The following LRRC9 variants were observed in gnomAD, a reference collection of about 807,000 sequenced individuals.
LRRC9 encodes leucine-rich repeat-containing protein 9.
In LRRC9, 122 loss-of-function variants were observed where a neutral mutation model predicts 63.2. That is an observed-to-expected ratio of 1.93 (90% CI 1.67 to 2.24). The LOEUF (loss-of-function observed/expected upper bound fraction) is 2.24. Ranked by LOEUF, LRRC9 falls within the 30% of genes most tolerant of loss-of-function variation. The pLI, the probability that LRRC9 is intolerant of heterozygous loss-of-function variation, is 0.00. For synonymous variants in LRRC9, 366 were observed against 213.1 expected, an observed-to-expected ratio of 1.72 and a Z score of -6.25; for missense variants, 1,071 against 627.7, an observed-to-expected ratio of 1.71 and a Z score of -7.55.
At chr14:60,020,084 C>T (rs1891003139) in intron 26 of LRRC9, among the ~76,000 whole-genome samples, 2 of 151,820 alleles carry the variant, frequency 1.3e-5, no homozygotes. Context: ...AAAGTATTCC[C>T]ATTCCAGAAA....
intron 29 of LRRC9, among the ~76,000 whole-genome samples, chr14:60,037,397 T>A (rs1330412356): frequency 1.3e-5 from 2 of 152,180 alleles, no homozygotes; most frequent in Non-Finnish European, 2.9e-5. Context: ...GTAAAAGCGT[T>A]CCTATTTCTC....
Position 60,051,243 on chromosome 14 carries a change from G to A in LRRC9, c.3991-1822G>A, listed in dbSNP as rs559617517. On this transcript the variant is annotated intron_variant, in intron 29 of 31. Transcript: ENST00000445360. This position sits in a 1 kb window ranked among gnomAD's most constrained non-coding sequence, Gnocchi z 4.7. ...CCCCACAGGAGTTCCATCCCAGGGA[G>A]AGATCAGGGTTCAGTGCATATAAGA... Among the ~76,000 whole-genome samples, 378 of 152,346 alleles carry A rather than the reference G, an allele frequency of 2.5e-3. 3 individuals are homozygous for A. Among genetic ancestry groups the A allele is most frequent in the African/African-American group, 8.8e-3 (364 of 41,574 alleles).
intron 8 of LRRC9, among the ~76,000 whole-genome samples, chr14:59,953,849 G>A (rs934493010): frequency 6.6e-6 from 1 of 152,184 alleles, no homozygotes; most frequent in Admixed American, 6.5e-5. Context: ...AAGGCTTAAG[G>A]AAGGGGTCCA....
chr14:60,032,083 A>G lies in LRRC9; in HGVS notation c.3990+20A>G. 1 of 678,024 alleles carries G rather than the reference A, an allele frequency of 1.5e-6. No individual in the cohort carries two copies. Among genetic ancestry groups the G allele is most frequent in the South Asian group, 1.6e-5 (1 of 61,314 alleles). The allele number at this position is 678,024 out of a possible 1,614,324, so 42.0% of individuals were successfully genotyped here. ...AATCCAGTGAGTATGTTACCATTCT[A>G]ATTTATTAGTTAATTTACTGGTAGT... On this transcript the variant is annotated intron_variant, in intron 29 of 31. Transcript: ENST00000445360.
In LRRC9 at chr14:60,004,740, A is replaced by C. The variant is rs938689602; in HGVS notation, c.2842+942A>C. 2.6e-5 allele frequency among the ~76,000 whole-genome samples: 4 copies of C among 152,092 alleles called. No homozygotes were observed. The highest frequency in any genetic ancestry group is 5.9e-5 in the Non-Finnish European group (4 of 67,958). On this transcript the variant is annotated intron_variant, in intron 21 of 31. Transcript: ENST00000445360. The surrounding 1 kb of genome is among the most constrained non-coding windows in gnomAD (Gnocchi z 4.8). ...ACCTTCATTAGAAAGAAATTGAAAGAAGCTTTCCATGACTTGCTACCAACT... is the reference window on the plus strand; with the variant it reads ...ACCTTCATTAGAAAGAAATTGAAAGCAGCTTTCCATGACTTGCTACCAACT...
Position 59,927,865 on chromosome 14 carries a change from G to A in LRRC9, c.-33-46G>A. The A allele has an allele frequency of 1.7e-6, 1 of 598,706 alleles. No homozygotes were observed. The highest frequency in any genetic ancestry group is 1.9e-5 in the African/African-American group (1 of 52,802). 37.1% of individuals were successfully genotyped at this position (598,706 alleles called of 1,614,324 possible). On this transcript the variant is annotated intron_variant, in intron 1 of 31. Transcript: ENST00000445360. The surrounding 1 kb of genome is among the most constrained non-coding windows in gnomAD (Gnocchi z 4.4). ...TTTAAGGTCTATTTCAACTTGGAATGACAATGACTTTAATATTTATTTCAT... is the reference window on the plus strand; with the variant it reads ...TTTAAGGTCTATTTCAACTTGGAATAACAATGACTTTAATATTTATTTCAT...
In LRRC9 at chr14:59,974,557, CTTTGT is replaced by C. The variant is rs929371447; in HGVS notation, c.1507-15_1507-11del. The C allele has an allele frequency of 1.6e-6, 1 of 627,020 alleles. No individual in the cohort carries two copies. Among genetic ancestry groups the C allele is most frequent in the African/African-American group, 1.9e-5 (1 of 53,068 alleles). 38.8% of individuals were successfully genotyped at this position (627,020 alleles called of 1,614,324 possible). A position where few individuals can be genotyped will look rare whatever the true frequency, so the allele number is the denominator to read the frequency against. ...TGTCAATTTTATAAAAATACTCAGA[CTTTGT>C]TTTTTCTTTGCAGCTGCCTCTCAAA... is the stretch of plus-strand genomic sequence containing the variant. On this transcript the variant is annotated splice_polypyrimidine_tract_variant and intron_variant, in intron 12 of 31. Transcript: ENST00000445360.
At chr14:60,010,939 A>C (rs563968693) in intron 23 of LRRC9, among the ~76,000 whole-genome samples, 24 of 152,264 alleles carry the variant, frequency 1.6e-4, no homozygotes, top group African/African-American at 5.5e-4. Flanking sequence ...GGAAGTTACA[A>C]ACTTTCCCAT....
In LRRC9 at chr14:60,026,388, C is replaced by A. The variant is rs185970240; in HGVS notation, c.3704-1496C>A. Among the ~76,000 whole-genome samples the A allele has an allele frequency of 4.6e-5, 7 of 152,118 alleles. No homozygotes were observed. The East Asian group carries it at 1.4e-3, about 29-fold the overall frequency. ...GAGCATTTTTCCATATACCTGTTGA[C>A]CATTTGTATTTCTTCTTTTGAGAAA... On this transcript the variant is annotated intron_variant, in intron 27 of 31. Transcript: ENST00000445360.
chr14:60,013,920 T>G lies in LRRC9; in HGVS notation c.3187-2740T>G, dbSNP rs1188178270. On this transcript the variant is annotated intron_variant, in intron 23 of 31. Coordinates refer to ENST00000445360, the Ensembl canonical transcript of LRRC9. Reference sequence around the variant, plus strand: ...TTATATTTACTATAGCCAACTGACCTGTTAGGGCTTATGTCTGCCATTTTG... The same window carrying G: ...TTATATTTACTATAGCCAACTGACCGGTTAGGGCTTATGTCTGCCATTTTG... 2.7e-4 allele frequency among the ~76,000 whole-genome samples: 41 copies of G among 152,202 alleles called. 1 individual carries two copies. Among genetic ancestry groups the G allele is most frequent in the Admixed American group, 2.7e-3 (41 of 15,266 alleles).
At chr14:60,015,356 T>G (rs1264232455) in intron 23 of LRRC9, among the ~76,000 whole-genome samples, 1 of 152,190 alleles carries the variant, frequency 6.6e-6, no homozygotes, top group Non-Finnish European at 1.5e-5. Context: ...ATACTTTTTA[T>G]TTTATTCTGG....
chr14:59,935,275 C>T (rs1376001134), intron 6 of LRRC9, among the ~76,000 whole-genome samples: 1 of 143,374 alleles, frequency 7.0e-6, no homozygotes, highest in African/African-American at 2.6e-5. Flanking sequence ...GCCTGGGTAA[C>T]AGAGTGAGAC....
chr14:60,045,404 T>A (rs1358014882), intron 29 of LRRC9, among the ~76,000 whole-genome samples: 2 of 152,174 alleles, frequency 1.3e-5, no homozygotes, highest in Admixed American at 6.5e-5. Flanking sequence ...TATTAGCTAT[T>A]CTTCCTGATG....
intron 27 of LRRC9, among the ~76,000 whole-genome samples, chr14:60,025,490 G>GT (rs1243055006): frequency 6.6e-6 from 1 of 152,022 alleles, no homozygotes; most frequent in African/African-American, 2.4e-5. Flanking sequence ...TAATGGAGGA[G>GT]TATGTTCTGA....
chr14:60,055,007 G>A (rs747815327), intron 30 of LRRC9, among the ~76,000 whole-genome samples: 3 of 152,120 alleles, frequency 2.0e-5, no homozygotes, highest in Non-Finnish European at 4.4e-5. Flanking sequence ...CAATCCACCC[G>A]CCTTGGCCTC....
chr14:59,997,513 C>A, intron 17 of LRRC9, 143 bp from the exon 18 acceptor site: 1 of 487,788 alleles, frequency 2.1e-6, no homozygotes, highest in Non-Finnish European at 3.6e-6. Context: ...ATGTTGATAC[C>A]ATCATTGCAA....
chr14:60,057,824 T>C, intron 30 of LRRC9, 54 bp from the exon 31 acceptor site: 3 of 582,018 alleles, frequency 5.2e-6, no homozygotes, highest in South Asian at 4.3e-5. Context: ...ATTAAGCCTA[T>C]TGATCTGAGT....
intron 8 of LRRC9, among the ~76,000 whole-genome samples, chr14:59,949,832 T>C (rs1882917863): frequency 1.4e-5 from 2 of 144,576 alleles, no homozygotes; most frequent in African/African-American, 2.6e-5. Context: ...AATCCTGAGT[T>C]CTAGTTTGAT....
intron 17 of LRRC9, among the ~76,000 whole-genome samples, chr14:59,994,028 C>T (rs1888465097): frequency 6.6e-6 from 1 of 152,174 alleles, no homozygotes; most frequent in Non-Finnish European, 1.5e-5. Context: ...CAGCACCACA[C>T]TGCACTTATT....
Sources: allele counts gnomAD v4.1 joint callset (sites outside exome capture counted in the v4.1 genomes callset), GRCh38; gene constraint gnomAD v4.1.1; non-coding constraint Gnocchi (gnomAD v3.1); transcripts MANE v1.5; gene names NCBI Gene and HGNC (gene_info 2026-07-23, HGNC 2026-07-21).